The following SEMA3A variants were observed in gnomAD, a reference collection of about 807,000 sequenced individuals.
SEMA3A encodes semaphorin-3A.
In SEMA3A, 29 loss-of-function variants were observed where a neutral mutation model predicts 97.9. The observed-to-expected ratio is 0.30, with a 90% CI of 0.22 to 0.40. The LOEUF (loss-of-function observed/expected upper bound fraction) is 0.40. Ranked by LOEUF, SEMA3A falls within the 10% of genes least tolerant of loss-of-function variation. The pLI is 1.00. For missense variants in SEMA3A, 763 were observed against 951.3 expected, an observed-to-expected ratio of 0.80 and a Z score of 2.60; for synonymous variants, 321 against 323.7, an observed-to-expected ratio of 0.99 and a Z score of 0.09.
At chr7:84,348,759 C>T (rs1428468066) in intron 2 of SEMA3A, among the ~76,000 whole-genome samples, 1 of 152,074 alleles carries the variant, frequency 6.6e-6, no homozygotes, top group East Asian at 1.9e-4. Flanking sequence ...CCAAGGCAGG[C>T]TGATCATGAG....
chr7:84,401,427 G>A (rs1228868), intron 1 of SEMA3A, among the ~76,000 whole-genome samples: 47,948 of 150,028 alleles, frequency 0.32, 9,142 homozygotes, highest in African/African-American at 0.54. Flanking sequence ...TGATGATACC[G>A]AATGCAGTCT....
intron 9 of SEMA3A, among the ~76,000 whole-genome samples, chr7:84,010,727 T>G (rs1264487869): frequency 3.0e-5 from 3 of 99,712 alleles, no homozygotes; most frequent in African/African-American, 1.7e-4. Context: ...TATAATATTT[T>G]ACATTATTAT....
intron 4 of SEMA3A, among the ~76,000 whole-genome samples, chr7:84,078,135 T>A (rs2115783993): frequency 6.6e-6 from 1 of 152,192 alleles, no homozygotes; most frequent in Non-Finnish European, 1.5e-5. Context: ...TGTTTTTCTC[T>A]ATTTTAAATA....
chr7:84,137,584 T>C (rs916872521), intron 1 of SEMA3A, among the ~76,000 whole-genome samples: 1 of 151,402 alleles, frequency 6.6e-6, no homozygotes, highest in Admixed American at 6.6e-5. Flanking sequence ...CAGGCCCTGA[T>C]TGAATGGTCA....
At chr7:84,043,558 C>T (rs1238179699) in intron 6 of SEMA3A, among the ~76,000 whole-genome samples, 5 of 152,030 alleles carry the variant, frequency 3.3e-5, no homozygotes, top group Non-Finnish European at 5.9e-5. Context: ...TTCTGGAACA[C>T]GTATGATTGT....
chr7:84,164,064 C>T (rs140680457), intron 1 of SEMA3A, among the ~76,000 whole-genome samples: 1,893 of 152,172 alleles, frequency 0.012, 52 homozygotes, highest in African/African-American at 0.043. Flanking sequence ...AGGCTGGTCT[C>T]GAACTCCCGA....
intron 3 of SEMA3A, among the ~76,000 whole-genome samples, chr7:84,268,175 C>T (rs1800051934): frequency 6.6e-6 from 1 of 151,478 alleles, no homozygotes; most frequent in Non-Finnish European, 1.5e-5. Context: ...TTCCTTACGG[C>T]CATGGTGATT....
intron 3 of SEMA3A, among the ~76,000 whole-genome samples, chr7:84,272,531 G>T (rs2115708306): frequency 6.6e-6 from 1 of 152,072 alleles, no homozygotes; most frequent in East Asian, 1.9e-4. Context: ...TAGTTCTGAG[G>T]AACTAGGCAA....
intron 1 of SEMA3A, among the ~76,000 whole-genome samples, chr7:84,437,482 A>G (rs994531039): frequency 6.6e-6 from 1 of 151,860 alleles, no homozygotes; most frequent in Non-Finnish European, 1.5e-5. Flanking sequence ...TTGTTTTATT[A>G]GAGCATATTT....
intron 1 of SEMA3A, among the ~76,000 whole-genome samples, chr7:84,428,689 CA>C (rs1446059870): frequency 6.6e-6 from 1 of 151,694 alleles, no homozygotes; most frequent in Non-Finnish European, 1.5e-5. Flanking sequence ...TTTGACAATG[CA>C]ATTTTCTTTA....
intron 2 of SEMA3A, among the ~76,000 whole-genome samples, chr7:84,359,149 G>A (rs13438224): frequency 0.29 from 43,561 of 151,832 alleles, 6,723 homozygotes; most frequent in African/African-American, 0.38. Flanking sequence ...CTGCCTGATT[G>A]CCCTGGCCAG....
chr7:84,443,172 T>C (rs1805314572), intron 1 of SEMA3A, among the ~76,000 whole-genome samples: 1 of 152,110 alleles, frequency 6.6e-6, no homozygotes, highest in Non-Finnish European at 1.5e-5. Context: ...TAGCAGCATA[T>C]ACATTCTTCT....
chr7:83,967,530 G>A (rs1046681000), intron 15 of SEMA3A, among the ~76,000 whole-genome samples: 12 of 152,142 alleles, frequency 7.9e-5, no homozygotes, highest in African/African-American at 2.4e-4. Flanking sequence ...TGAGGTGGAC[G>A]GATCACTTGA....
At chr7:84,415,083 A>C (rs1367078173) in intron 1 of SEMA3A, among the ~76,000 whole-genome samples, 3 of 152,124 alleles carry the variant, frequency 2.0e-5, no homozygotes, top group Non-Finnish European at 4.4e-5. Context: ...CAAATTAATA[A>C]AGGGATATTA....
Position 84,113,859 on chromosome 7 carries a change from A to C in SEMA3A, c.334-3270T>G, listed in dbSNP as rs144239506. Reference sequence around the variant, plus strand: ...AAATCCAAGGCCACACCTGAGGAGTAATGATTCATCACCCTTAGTGACAAA... The same window carrying C: ...AAATCCAAGGCCACACCTGAGGAGTCATGATTCATCACCCTTAGTGACAAA... On this transcript the variant is annotated intron_variant, in intron 3 of 16. Coordinates refer to ENST00000265362, the MANE Select transcript of SEMA3A (RefSeq NM_006080.3). Among the ~76,000 whole-genome samples, 1,035 of 152,270 alleles carry C rather than the reference A, an allele frequency of 6.8e-3. 5 individuals carry two copies. The highest frequency in any genetic ancestry group is 0.023 in the African/African-American group (968 of 41,576).
chr7:84,212,069 C>G (rs368502320), intron 3 of SEMA3A, among the ~76,000 whole-genome samples: 57 of 152,218 alleles, frequency 3.7e-4, no homozygotes, highest in African/African-American at 1.3e-3. Context: ...ATTGCATGTA[C>G]TATTTGAAGG....
intron 1 of SEMA3A, among the ~76,000 whole-genome samples, chr7:84,437,805 T>G (rs989466408): frequency 1.3e-5 from 2 of 151,976 alleles, no homozygotes; most frequent in African/African-American, 4.8e-5. Flanking sequence ...TCCAAAATAT[T>G]TGCCATAATC....
In SEMA3A at chr7:84,034,697, CA is replaced by C. The variant is rs1325356701; in HGVS notation, c.667+11626del. On this transcript the variant is annotated intron_variant, in intron 6 of 16. Coordinates refer to ENST00000265362, the MANE Select transcript of SEMA3A (RefSeq NM_006080.3). ...CGACACCTAGGCAATTTGGTGGGTA[CA>C]GTTCTAAATTGCTGCTTATGACTAT... Among the ~76,000 whole-genome samples, 3 of 152,258 alleles carry C rather than the reference CA, an allele frequency of 2.0e-5. No individual in the cohort carries two copies. In the East Asian group the frequency reaches 5.8e-4, roughly 29 times the overall value.
chr7:84,189,781 C>T (rs987370335), intron 1 of SEMA3A, among the ~76,000 whole-genome samples: 2 of 151,254 alleles, frequency 1.3e-5, no homozygotes, highest in Non-Finnish European at 3.0e-5. Flanking sequence ...CCTGAAAGAT[C>T]CATGAAATAC....
Sources: gnomAD v4.1 joint callset for allele counts (sites outside exome capture counted in the v4.1 genomes callset) on GRCh38, gnomAD v4.1.1 for gene constraint, MANE v1.5 for transcripts, NCBI Gene and HGNC (gene_info 2026-07-23, HGNC 2026-07-21) for gene names.